The following ROGDI variants were observed in gnomAD, a reference collection of about 807,000 sequenced individuals.
ROGDI encodes protein rogdi homolog.
A neutral mutation model predicts 43.1 loss-of-function variants in ROGDI; 46 were observed. That is an observed-to-expected ratio of 1.07 (90% confidence interval 0.84 to 1.37). ROGDI has a LOEUF of 1.37. ROGDI is among the 40% of genes most tolerant of loss of function. The pLI, the probability that ROGDI is intolerant of heterozygous loss-of-function variation, is 0.00. For missense variants in ROGDI, 518 were observed against 383.9 expected, an observed-to-expected ratio of 1.35 and a Z score of -2.92; for synonymous variants, 243 against 162.0, an observed-to-expected ratio of 1.50 and a Z score of -3.80.
chr16:4,801,362 C>A (rs765635966), intron 3 of ROGDI, 41 bp from the exon 4 acceptor site: 9 of 1,586,770 alleles, frequency 5.7e-6, no homozygotes, highest in African/African-American at 1.3e-5. Context: ...TGGTCACCCC[C>A]CCACCACCCA....
At chr16:4,801,713 T>C (rs1230035030) in intron 2 of ROGDI, 128 bp from the exon 3 acceptor site, 3 of 859,914 alleles carry the variant, frequency 3.5e-6, no homozygotes, top group Non-Finnish European at 5.5e-6. Flanking sequence ...CTCACCTGGG[T>C]TCAGCTGGGG....
chr16:4,801,195 CAG>C, intron 4 of ROGDI, 70 bp downstream of exon 4: 2 of 1,335,166 alleles, frequency 1.5e-6, no homozygotes, highest in East Asian at 2.3e-5. Flanking sequence ...AGGGCTTGTA[CAG>C]AGAGAAAGTG....
chr16:4,797,666 G>C (rs1198426500), intron 10 of ROGDI, 48 bp downstream of exon 10: 1 of 1,612,356 alleles, frequency 6.2e-7, no homozygotes, highest in South Asian at 1.1e-5. Context: ...GTGTGGCAAG[G>C]ACCCTTAGAA....
intron 7 of ROGDI, 100 bp from the exon 8 acceptor site, chr16:4,798,284 T>A: frequency 1.0e-6 from 1 of 987,418 alleles, no homozygotes; most frequent in South Asian, 1.4e-5. Flanking sequence ...GGGATCCCAG[T>A]CCCCACCCCA....
In ROGDI at chr16:4,797,726, C is replaced by T. The variant is rs137912684; in HGVS notation, c.810G>A (p.Gln270=). The stretch of plus-strand genomic sequence containing the variant: ...GGCCCGGGCCCACCTTGTCCTTGAG[C>T]TGCTGGCAGAGCTGCAGGGAGACGG... ...YFTVSLQLCQ[Q]LKDKISVFSS... Residue 270 remains glutamine (Q), a synonymous_variant, in exon 10 of 11, where the codon CAG becomes CAA. Transcript: ENST00000322048. 1.4e-4 allele frequency: 177 copies of T among 1,309,570 alleles called. 1 individual carries two copies. The African/African-American group carries it at 3.7e-3, about 27-fold the overall frequency. 81.1% of individuals were successfully genotyped at this position (1,309,570 alleles called of 1,614,324 possible). A position where few individuals can be genotyped will look rare whatever the true frequency, so the allele number is the denominator to read the frequency against.
At chr16:4,801,460 C>A (rs150620958) in intron 3 of ROGDI, 43 bp downstream of exon 3, 1,334 of 1,580,146 alleles carry the variant, frequency 8.4e-4, no homozygotes, top group Non-Finnish European at 1.1e-3. Context: ...CTCCTACCCC[C>A]CAAGGTACCC....
In ROGDI at chr16:4,798,111, G is replaced by A. The variant is rs2082676560; in HGVS notation, c.605C>T (p.Thr202Met). ...VYINLNKLCLTVYQLHALQPN... is the reference protein window; with the variant it reads ...VYINLNKLCLMVYQLHALQPN... ...CTGCAGGGCATGCAGCTGGTACACC[G>A]TGAGGCAGAGCTTGTTGAGGTTGAT... Residue 202 changes from threonine to methionine, a missense_variant, in exon 8 of 11, where the codon ACG becomes ATG. By Grantham distance (81) the Thr-to-Met change is moderately conservative (BLOSUM62 -1). Coordinates refer to ENST00000322048, the MANE Select transcript of ROGDI (RefSeq NM_024589.3). The A allele has an allele frequency of 2.5e-6, 4 of 1,614,032 alleles. No homozygotes were observed. The highest frequency in any genetic ancestry group is 3.4e-6 in the Non-Finnish European group (4 of 1,179,958).
Position 4,797,345 on chromosome 16 carries a change from G to C in ROGDI, c.*115C>G, listed in dbSNP as rs951646609. ...AGTGCAAATGTGTTAGGTGGGGTAG[G>C]GGGTGGGATAGGGAGATAAATAGCA... is the stretch of plus-strand genomic sequence containing the variant. On this transcript the variant is annotated 3_prime_UTR_variant, in exon 11 of 11. Transcript: ENST00000322048. 92 of 873,376 alleles carry C rather than the reference G, an allele frequency of 1.1e-4. No individual in the cohort carries two copies. The highest frequency in any genetic ancestry group is 6.4e-4 in the Admixed American group (25 of 39,148). 54.1% of individuals were successfully genotyped at this position (873,376 alleles called of 1,614,324 possible). A position where few individuals can be genotyped will look rare whatever the true frequency, so the allele number is the denominator to read the frequency against.
In ROGDI at chr16:4,800,563, T is replaced by C; in HGVS notation, c.271A>G (p.Met91Val). The part of the protein sequence containing the change: ...ALSQADVNLK[M>V]PRNNQLLHFA... Reference sequence around the variant, plus strand: ...TGCAGCAGCTGGTTGTTCCGGGGCATCTTCAGGTTCACATCCTGACAGGCA... The same window carrying C: ...TGCAGCAGCTGGTTGTTCCGGGGCACCTTCAGGTTCACATCCTGACAGGCA... Residue 91 changes from methionine (M) to valine (V), a missense_variant, in exon 5 of 11, where the codon ATG becomes GTG. By Grantham distance (21) the Met-to-Val change is conservative. Transcript: ENST00000322048. 6.4e-7 allele frequency: 1 copy of C among 1,568,056 alleles called. No homozygotes were observed. Among genetic ancestry groups the C allele is most frequent in the Non-Finnish European group, 8.7e-7 (1 of 1,155,760 alleles).
rs756577944 is a variant in ROGDI, at chr16:4,798,189, G to A, written c.532-5C>T. ...CAGGGCAGGGGCGAACATCCGCTGC[G>A]GGAGGCAGGTGGGATGAGGCCCTCG... is the stretch of plus-strand genomic sequence containing the variant. On this transcript the variant is annotated splice_region_variant and splice_polypyrimidine_tract_variant and intron_variant, in intron 7 of 10. Transcript: ENST00000322048. 19 of 1,611,072 alleles carry A rather than the reference G, an allele frequency of 1.2e-5. No individual in the cohort carries two copies. In the Admixed American group the frequency reaches 1.7e-4, roughly 14 times the overall value.
Position 4,798,642 on chromosome 16 carries a change from A to G in ROGDI, c.458T>C (p.Leu153Pro). ...GGTGAGCCGGTTTCGGGCTCTGGTC[A>G]GCTGCAGCATCACTGCGTCCATCAG... ...LKLMDAVMLQ[L>P]TRARNRLTTP... Residue 153 changes from leucine to proline, a missense_variant, in exon 7 of 11, where the codon CTG becomes CCG. Transcript: ENST00000322048. 1 of 1,573,434 alleles carries G rather than the reference A, an allele frequency of 6.4e-7. No individual in the cohort carries two copies. Among genetic ancestry groups the G allele is most frequent in the Non-Finnish European group, 8.6e-7 (1 of 1,163,190 alleles).
At chr16:4,802,200 G>C (rs1033250189) in intron 2 of ROGDI, 182 bp downstream of exon 2, 2 of 669,520 alleles carry the variant, frequency 3.0e-6, no homozygotes, top group Admixed American at 2.2e-5. Context: ...ACCCGCCCCT[G>C]CCCGCACACA....
intron 6 of ROGDI, 55 bp from the exon 7 acceptor site, chr16:4,798,722 G>A: frequency 2.1e-6 from 3 of 1,399,994 alleles, no homozygotes; most frequent in Non-Finnish European, 2.9e-6. Flanking sequence ...ATGCATTAAG[G>A]AACAACAGAC....
At chr16:4,802,355 C>T (rs759605714) in intron 2 of ROGDI, 27 bp downstream of exon 2, 152 of 1,549,302 alleles carry the variant, frequency 9.8e-5, no homozygotes, top group Admixed American at 2.6e-4. Flanking sequence ...GCCGCCACGC[C>T]CGGCGGGGCA....
Position 4,800,515 on chromosome 16 carries a change from G to A in ROGDI, c.319C>T (p.Gln107Ter). The A allele has an allele frequency of 6.4e-7, 1 of 1,558,638 alleles. No individual in the cohort carries two copies. Among genetic ancestry groups the A allele is most frequent in the Non-Finnish European group, 8.7e-7 (1 of 1,150,564 alleles). Residue 107 changes from glutamine (Q) to a stop codon, truncating the protein, a stop_gained, in exon 5 of 11, where the codon CAG becomes TAG. Coordinates refer to ENST00000322048, the MANE Select transcript of ROGDI (RefSeq NM_024589.3). LOFTEE classifies it high-confidence loss of function. Reference protein sequence around the residue: ...LLHFAFREDKQWKLQQIQDAR... With the variant: ...LLHFAFREDK ...GGGGTCACCTGCTGCAGCTTCCACT[G>A]CTTGTCCTCCCGGAAGGCGAAGTGC...
At chr16:4,799,599 G>C in intron 6 of ROGDI, 87 bp downstream of exon 6, 1 of 962,762 alleles carries the variant, frequency 1.0e-6, no homozygotes, top group Non-Finnish European at 1.6e-6. Context: ...ACAGCTCAAC[G>C]TGGAGGCCCT....
intron 6 of ROGDI, among the ~76,000 whole-genome samples, 154 bp downstream of exon 6, chr16:4,799,530 CCT>C (rs749053582): frequency 3.3e-5 from 5 of 152,244 alleles, no homozygotes; most frequent in African/African-American, 9.6e-5. Flanking sequence ...CCAGCTTGCC[CCT>C]GACCCCACAG....
intron 9 of ROGDI, 32 bp downstream of exon 9, chr16:4,797,906 C>T: frequency 1.9e-6 from 3 of 1,599,944 alleles, no homozygotes; most frequent in South Asian, 1.1e-5. Flanking sequence ...ATGGGGTGGG[C>T]GTGCCTGGAC....
chr16:4,798,702 C>T (rs1251829213), intron 6 of ROGDI, 35 bp from the exon 7 acceptor site: 2 of 1,492,078 alleles, frequency 1.3e-6, no homozygotes, highest in African/African-American at 1.4e-5. Context: ...CTGCGTCCTC[C>T]CGTGTCCCCA....
Sources: gnomAD v4.1 joint callset for allele counts (sites outside exome capture counted in the v4.1 genomes callset) on GRCh38, gnomAD v4.1.1 for gene constraint, MANE v1.5 for transcripts, NCBI Gene and HGNC (gene_info 2026-07-23, HGNC 2026-07-21) for gene names.